The following DNER variants were observed in gnomAD, a reference collection of about 807,000 sequenced individuals.
The protein encoded by DNER is delta/notch like EGF repeat containing.
A neutral mutation model predicts 78.2 loss-of-function variants in DNER; 33 were observed. The ratio of observed to expected loss-of-function variants is 0.42; its 90% CI spans 0.32 to 0.56. The LOEUF (loss-of-function observed/expected upper bound fraction) is 0.56, where lower values mean the gene tolerates loss of function less well. Among genes scored for constraint, DNER ranks in the 20% least tolerant of loss-of-function variants. DNER has a pLI of 0.11. For missense variants in DNER, 918 were observed against 975.3 expected (o/e 0.94, Z 0.78); for synonymous variants, 417 against 384.8 (o/e 1.08, Z -0.98).
intron 4 of DNER, 68 bp downstream of exon 4, chr2:229,585,790 G>A: frequency 1.3e-6 from 2 of 1,571,394 alleles, no homozygotes; most frequent in Non-Finnish European, 1.7e-6. Flanking sequence ...CCTACCTACT[G>A]TCTCAACACC....
chr2:229,689,068 T>G (rs938679969), intron 1 of DNER, among the ~76,000 whole-genome samples: 3 of 152,190 alleles, frequency 2.0e-5, no homozygotes, highest in African/African-American at 7.2e-5. Flanking sequence ...GATTGGCTGA[T>G]AGGTGCAGCA....
intron 7 of DNER, among the ~76,000 whole-genome samples, chr2:229,455,555 G>A (rs1334514742): frequency 3.3e-5 from 5 of 151,944 alleles, no homozygotes; most frequent in East Asian, 1.9e-4. Context: ...GTCTATAAAC[G>A]GAGATTTCTG....
At chr2:229,681,004 A>G (rs979328135) in intron 1 of DNER, among the ~76,000 whole-genome samples, 1 of 152,214 alleles carries the variant, frequency 6.6e-6, no homozygotes, top group Admixed American at 6.5e-5. Flanking sequence ...ATTGCAAACA[A>G]CGTAAAACCA....
chr2:229,410,657 T>A (rs1693491026), intron 9 of DNER, among the ~76,000 whole-genome samples: 1 of 152,200 alleles, frequency 6.6e-6, no homozygotes, highest in African/African-American at 2.4e-5. Flanking sequence ...ATTCATACTT[T>A]TCGTATTAAG....
intron 6 of DNER, among the ~76,000 whole-genome samples, chr2:229,508,707 C>T (rs1695795332): frequency 6.6e-6 from 1 of 151,906 alleles, no homozygotes; most frequent in African/African-American, 2.4e-5. Flanking sequence ...TGGTGAAACC[C>T]CGTCTCTACT....
At chr2:229,647,668 C>T (rs763477272) in intron 1 of DNER, among the ~76,000 whole-genome samples, 1 of 152,102 alleles carries the variant, frequency 6.6e-6, no homozygotes, top group Non-Finnish European at 1.5e-5. Flanking sequence ...GAAACAATTT[C>T]GAAGTGACAA....
intron 8 of DNER, among the ~76,000 whole-genome samples, chr2:229,421,603 T>C (rs988247297): frequency 7.4e-5 from 11 of 149,020 alleles, no homozygotes; most frequent in Admixed American, 6.8e-5. Context: ...AAAATATATA[T>C]AGTGGTAAAA....
chr2:229,612,428 G>C lies in DNER; in HGVS notation c.277-20540C>G, dbSNP rs75710795. Among the ~76,000 whole-genome samples the C allele has an allele frequency of 1.8e-3, 273 of 152,328 alleles. 2 individuals carry two copies. The highest frequency in any genetic ancestry group is 6.2e-3 in the African/African-American group (259 of 41,582). ...AGAGAGATTTACTGTAAAGGGGGAA[G>C]GCATCTGGTAGAGCCAGCCACAGCC... On this transcript the variant is annotated intron_variant, in intron 1 of 12. Transcript: ENST00000341772.
At chr2:229,404,476 T>C (rs2106342774) in intron 10 of DNER, among the ~76,000 whole-genome samples, 1 of 152,214 alleles carries the variant, frequency 6.6e-6, no homozygotes, top group East Asian at 1.9e-4. Context: ...CACGATCCAA[T>C]TACCTCCACC....
intron 10 of DNER, among the ~76,000 whole-genome samples, chr2:229,402,072 A>T (rs207674): frequency 0.029 from 4,350 of 152,292 alleles, 206 homozygotes; most frequent in African/African-American, 0.099. Context: ...AGAAGAAAAC[A>T]TCGGATAAAA....
At chr2:229,529,578 T>G (rs1310388950) in intron 5 of DNER, among the ~76,000 whole-genome samples, 1 of 152,214 alleles carries the variant, frequency 6.6e-6, no homozygotes, top group Non-Finnish European at 1.5e-5. Context: ...CGTGTATGAT[T>G]TTGTTCAACT....
chr2:229,586,264 TAA>T (rs941754421), intron 3 of DNER, among the ~76,000 whole-genome samples: 4 of 151,968 alleles, frequency 2.6e-5, no homozygotes, highest in Non-Finnish European at 4.4e-5. Flanking sequence ...TGATGAACAG[TAA>T]AAGAGTACAC....
intron 2 of DNER, among the ~76,000 whole-genome samples, chr2:229,589,611 G>A (rs778407357): frequency 6.6e-6 from 1 of 152,150 alleles, no homozygotes; most frequent in Non-Finnish European, 1.5e-5. Flanking sequence ...ATAGGAAGAT[G>A]AGGCATTTCC....
intron 6 of DNER, among the ~76,000 whole-genome samples, chr2:229,506,013 T>G (rs1695735740): frequency 6.6e-6 from 1 of 152,188 alleles, no homozygotes; most frequent in African/African-American, 2.4e-5. Flanking sequence ...GACTGTTTCG[T>G]GAATCAAGAT....
chr2:229,479,956 T>C (rs1476711572), intron 6 of DNER, among the ~76,000 whole-genome samples: 1 of 152,204 alleles, frequency 6.6e-6, no homozygotes, highest in Non-Finnish European at 1.5e-5. Flanking sequence ...TCATGAATTC[T>C]GTCCCCGGAA....
intron 1 of DNER, among the ~76,000 whole-genome samples, chr2:229,681,736 C>T (rs1699389660): frequency 6.6e-6 from 1 of 151,780 alleles, no homozygotes; most frequent in Non-Finnish European, 1.5e-5. Flanking sequence ...AAATACTATT[C>T]TTTCAAAGTT....
intron 6 of DNER, among the ~76,000 whole-genome samples, chr2:229,483,955 T>C (rs1695219116): frequency 6.6e-6 from 1 of 152,230 alleles, no homozygotes; most frequent in Non-Finnish European, 1.5e-5. Flanking sequence ...GGCACCTGTG[T>C]GCTCATCACT....
chr2:229,583,514 A>G (rs1187570536), intron 4 of DNER, among the ~76,000 whole-genome samples: 2 of 152,246 alleles, frequency 1.3e-5, no homozygotes, highest in Non-Finnish European at 2.9e-5. Flanking sequence ...AAACTGTTGT[A>G]AAGTCAAAAG....
chr2:229,554,657 C>A (rs1696813367), intron 4 of DNER, among the ~76,000 whole-genome samples: 1 of 152,012 alleles, frequency 6.6e-6, no homozygotes, highest in African/African-American at 2.4e-5. Context: ...CCACTTCATT[C>A]CAGCCTGGGT....
Sources: allele counts gnomAD v4.1 joint callset (sites outside exome capture counted in the v4.1 genomes callset), GRCh38; gene constraint gnomAD v4.1.1; transcripts MANE v1.5; gene names NCBI Gene and HGNC (gene_info 2026-07-23, HGNC 2026-07-21).